Variants in ARHGAP35 observed in about 807,000 individuals in gnomAD.
The protein encoded by ARHGAP35 is Rho GTPase activating protein 35, also known as rho GTPase-activating protein 35.
ARHGAP35 carries 15 observed loss-of-function variants against 111.1 expected under a neutral mutation model. That is an observed-to-expected ratio of 0.13 (90% CI 0.09 to 0.21). ARHGAP35 has a LOEUF of 0.21. ARHGAP35 is among the 10% of genes least tolerant of loss of function. The pLI, the probability that ARHGAP35 is intolerant of heterozygous loss-of-function variation, is 1.00. For synonymous variants in ARHGAP35, 643 were observed against 710.3 expected (o/e 0.91, Z 1.51); for missense variants, 1,262 against 1,873.0 (o/e 0.67, Z 6.02).
chr19:46,983,363 G>GA (rs1449891899), intron 3 of ARHGAP35, among the ~76,000 whole-genome samples: 4 of 152,298 alleles, frequency 2.6e-5, no homozygotes, highest in East Asian at 3.9e-4. Context: ...GAACTGCTAT[G>GA]AAAAGGCACG....
rs778118639 is a variant in ARHGAP35 at position 46,919,976 on chromosome 19, G to A, written c.1301G>A (p.Arg434Lys). The A allele has an allele frequency of 6.2e-6, 10 of 1,613,994 alleles. No homozygotes were observed. Among genetic ancestry groups the A allele is most frequent in the Admixed American group, 3.3e-5 (2 of 60,008 alleles). The change falls in exon 2 of 7, where the codon AGG becomes AAG. Residue 434 changes from arginine to lysine, a missense_variant. This residue lies in a region of ARHGAP35 where 328 missense variants were observed against 440.8 expected (regional missense o/e 0.74). Coordinates refer to ENST00000672722, the MANE Select transcript of ARHGAP35 (RefSeq NM_004491.5). This position sits in a 1 kb window ranked among gnomAD's most constrained non-coding sequence, Gnocchi z 6.2. ...GAAAGGAAAAGAGTTGAGATGCGAA[G>A]GGCGTTTAAAGAAAACCTGGAGACT... ...RNERKRVEMR[R>K]AFKENLETSP...
chr19:46,921,684 T>C lies in ARHGAP35; in HGVS notation c.3009T>C (p.Pro1003=). ...YSLFREDTSL[P]SLSKDHSKLS... ...TGTTTCGAGAAGACACATCACTGCCTTCTCTGTCCAAAGACCATTCTAAGC... is the reference window on the plus strand; with the variant it reads ...TGTTTCGAGAAGACACATCACTGCCCTCTCTGTCCAAAGACCATTCTAAGC... Residue 1003 remains proline (P), a synonymous_variant, in exon 2 of 7, where the codon CCT becomes CCC. Transcript: ENST00000672722. The surrounding 1 kb of genome is among the most constrained non-coding windows in gnomAD (Gnocchi z 4.3). The C allele has an allele frequency of 6.2e-7, 1 of 1,613,974 alleles. No individual in the cohort carries two copies. Among genetic ancestry groups the C allele is most frequent in the African/African-American group, 1.3e-5 (1 of 75,022 alleles).
chr19:47,000,761 C>T lies in ARHGAP35; in HGVS notation c.*73C>T. On this transcript the variant is annotated 3_prime_UTR_variant, in exon 7 of 7. Transcript: ENST00000672722. The surrounding 1 kb of genome is among the most constrained non-coding windows in gnomAD (Gnocchi z 6.9). ...GGTGGCATTTGGCCTTGAACAAAAC[C>T]AAGTCCACTGGGGACAGAGGCAGGG... The T allele has an allele frequency of 6.5e-7, 1 of 1,530,004 alleles. No homozygotes were observed. The highest frequency in any genetic ancestry group is 8.8e-7 in the Non-Finnish European group (1 of 1,135,756). The allele number at this position is 1,530,004 out of a possible 1,614,324, so 94.8% of individuals were successfully genotyped here.
At chr19:46,915,683 T>A (rs758867641) in intron 1 of ARHGAP35, among the ~76,000 whole-genome samples, 13 of 152,188 alleles carry the variant, frequency 8.5e-5, no homozygotes, top group Admixed American at 3.9e-4. Flanking sequence ...TCATTTCAGA[T>A]TCTCCTCTTT....
In ARHGAP35 at chr19:46,919,506, T is replaced by C; in HGVS notation, c.831T>C (p.Tyr277=). The C allele has an allele frequency of 1.2e-6, 2 of 1,613,964 alleles. No individual in the cohort carries two copies. Among genetic ancestry groups the C allele is most frequent in the Non-Finnish European group, 8.5e-7 (1 of 1,179,888 alleles). ...SQQIATAKDK[Y]EWLVSRIVKN... ...AGATAGCTACAGCAAAAGACAAGTA[T>C]GAGTGGCTGGTGAGTCGCATTGTGA... is the stretch of plus-strand genomic sequence containing the variant. Residue 277 remains tyrosine, a synonymous_variant, in exon 2 of 7, where the codon TAT becomes TAC. Transcript: ENST00000672722. The surrounding 1 kb of genome is among the most constrained non-coding windows in gnomAD (Gnocchi z 6.2).
intron 1 of ARHGAP35, among the ~76,000 whole-genome samples, chr19:46,903,634 C>T (rs2056091802): frequency 6.6e-6 from 1 of 152,306 alleles, no homozygotes; most frequent in Non-Finnish European, 1.5e-5. Context: ...GTAGGCCAGA[C>T]CTGATTTCCT....
chr19:46,875,726 AC>A (rs2055915329), intron 1 of ARHGAP35, among the ~76,000 whole-genome samples: 2 of 152,174 alleles, frequency 1.3e-5, no homozygotes, highest in African/African-American at 4.8e-5. Flanking sequence ...ATGAAAGAGA[AC>A]AATTAGGTAA....
At chr19:46,946,706 T>G (rs932868236) in intron 3 of ARHGAP35, 1 of 152,458 alleles carries the variant, frequency 6.6e-6, no homozygotes, top group Admixed American at 6.6e-5. Context: ...TGGCTTGGTT[T>G]TTTTGTTTTG....
At chr19:46,884,914 TG>T (rs1439227784) in intron 1 of ARHGAP35, among the ~76,000 whole-genome samples, 2 of 152,082 alleles carry the variant, frequency 1.3e-5, no homozygotes, top group African/African-American at 2.4e-5. Context: ...CATGAGATCT[TG>T]CTATGTTGCC....
chr19:46,966,799 T>C (rs1304654961), intron 3 of ARHGAP35, among the ~76,000 whole-genome samples: 1 of 152,144 alleles, frequency 6.6e-6, no homozygotes, highest in African/African-American at 2.4e-5. Context: ...CCAGCCCCCA[T>C]TGGAGATGAC....
intron 3 of ARHGAP35, among the ~76,000 whole-genome samples, chr19:46,949,325 G>C (rs984040223): frequency 2.0e-5 from 3 of 152,170 alleles, no homozygotes; most frequent in Middle Eastern, 3.4e-3. Context: ...ATCATCTAGC[G>C]CATTAACTAC....
At chr19:46,958,567 A>G (rs918479227) in intron 3 of ARHGAP35, among the ~76,000 whole-genome samples, 8 of 152,178 alleles carry the variant, frequency 5.3e-5, no homozygotes, top group African/African-American at 1.9e-4. Flanking sequence ...CTTTTTCCTC[A>G]GACATCTGGA....
intron 1 of ARHGAP35, among the ~76,000 whole-genome samples, chr19:46,870,070 C>T (rs980637169): frequency 6.6e-6 from 1 of 151,386 alleles, no homozygotes; most frequent in Non-Finnish European, 1.5e-5. Context: ...CCTCAGCCAC[C>T]CAAGTAGCTG....
intron 1 of ARHGAP35, among the ~76,000 whole-genome samples, chr19:46,877,738 C>A (rs2055933667): frequency 6.6e-6 from 1 of 151,434 alleles, no homozygotes; most frequent in Admixed American, 6.6e-5. Context: ...GACAGTTTCG[C>A]TCTTGTTGGC....
At chr19:46,927,193 A>G (rs1290990400) in intron 2 of ARHGAP35, among the ~76,000 whole-genome samples, 3 of 152,184 alleles carry the variant, frequency 2.0e-5, no homozygotes, top group Admixed American at 1.3e-4. Context: ...TTCTTTTAGG[A>G]AGGAGACATG....
chr19:46,934,888 G>T (rs1257884864), intron 2 of ARHGAP35, among the ~76,000 whole-genome samples: 3 of 151,764 alleles, frequency 2.0e-5, no homozygotes. Flanking sequence ...GCCCAGGCTG[G>T]TCTTGAACTC....
intron 3 of ARHGAP35, among the ~76,000 whole-genome samples, chr19:46,968,219 A>G (rs982652300): frequency 1.7e-4 from 26 of 152,318 alleles, no homozygotes; most frequent in Admixed American, 1.7e-3. Context: ...ATATAACACT[A>G]AGGTCTTGAG....
rs943614582 is a variant in ARHGAP35, at chr19:46,992,887, G to A, written c.4036+3212G>A. On this transcript the variant is annotated intron_variant, in intron 5 of 6. Coordinates refer to ENST00000672722, the MANE Select transcript of ARHGAP35 (RefSeq NM_004491.5). This position sits in a 1 kb window ranked among gnomAD's most constrained non-coding sequence, Gnocchi z 4.4. The stretch of plus-strand genomic sequence containing the variant: ...AGTGCAGCCTAGGTTACCAGGGGAC[G>A]GCCCTGCTGCTCTCTGGGCTCTTGT... Among the ~76,000 whole-genome samples, 2 of 152,216 alleles carry A rather than the reference G, an allele frequency of 1.3e-5. No homozygotes were observed. Among genetic ancestry groups the A allele is most frequent in the South Asian group, 2.1e-4 (1 of 4,834 alleles).
chr19:46,918,530 G>A lies in ARHGAP35; in HGVS notation c.-146G>A. On this transcript the variant is annotated 5_prime_UTR_variant, in exon 2 of 7. An upstream open reading frame in the 5' UTR loses its in-frame stop. Coordinates refer to ENST00000672722, the MANE Select transcript of ARHGAP35 (RefSeq NM_004491.5). The surrounding 1 kb of genome is among the most constrained non-coding windows in gnomAD (Gnocchi z 5.4). Reference sequence around the variant, plus strand: ...TTGGCGATGAGAGGTGGTGAACAGTGACCATACTGGTATACAACACTATGG... The same window carrying A: ...TTGGCGATGAGAGGTGGTGAACAGTAACCATACTGGTATACAACACTATGG... 1.4e-6 allele frequency: 1 copy of A among 707,242 alleles called. No homozygotes were observed. The highest frequency in any genetic ancestry group is 1.9e-5 in the South Asian group (1 of 51,446). 43.8% of individuals were successfully genotyped at this position (707,242 alleles called of 1,614,324 possible).
Sources: gnomAD v4.1 joint callset for allele counts (sites outside exome capture counted in the v4.1 genomes callset) on GRCh38, gnomAD v4.1.1 for gene constraint, gnomAD v4.1.1 regional missense constraint, Gnocchi (gnomAD v3.1) non-coding constraint, MANE v1.5 for transcripts, NCBI Gene and HGNC (gene_info 2026-07-23, HGNC 2026-07-21) for gene names.